The following ATP13A3 variants were observed in gnomAD, a reference collection of about 807,000 sequenced individuals.
ATP13A3 encodes the protein polyamine-transporting ATPase 13A3.
ATP13A3 carries 59 observed loss-of-function variants against 158.1 expected under a neutral mutation model. That is an observed-to-expected ratio of 0.37 (90% confidence interval 0.30 to 0.46). The LOEUF (loss-of-function observed/expected upper bound fraction) is 0.46, where lower values mean the gene tolerates loss of function less well. Among genes scored for constraint, ATP13A3 ranks in the 20% least tolerant of loss-of-function variants. The pLI is 1.00. For missense variants in ATP13A3, 1,166 were observed against 1,525.2 expected, an observed-to-expected ratio of 0.76 and a Z score of 3.92; for synonymous variants, 491 against 504.3, an observed-to-expected ratio of 0.97 and a Z score of 0.35.
intron 2 of ATP13A3, among the ~76,000 whole-genome samples, chr3:194,471,302 A>T (rs1425841793): frequency 2.0e-5 from 3 of 148,862 alleles, no homozygotes; most frequent in African/African-American, 5.0e-5. Flanking sequence ...CCTATAATAC[A>T]GCGTTAAGTA....
chr3:194,410,564 G>C (rs1327694947), intron 33 of ATP13A3, among the ~76,000 whole-genome samples: 2 of 151,788 alleles, frequency 1.3e-5, no homozygotes, highest in East Asian at 3.9e-4. Flanking sequence ...GTGAGACCCT[G>C]GTCTCACAAA....
upstream of ATP13A3, among the ~76,000 whole-genome samples, chr3:194,489,621 G>A (rs1354255177): frequency 1.3e-5 from 2 of 152,138 alleles, no homozygotes; most frequent in Admixed American, 6.5e-5. The surrounding 1 kb of genome is among the most constrained non-coding windows in gnomAD (Gnocchi z 4.1). Flanking sequence ...CTGTCAACGC[G>A]TTCGGGCTTT....
At chr3:194,460,566 TG>T (rs1719577512) in intron 4 of ATP13A3, 91 bp downstream of exon 4, 1 of 1,304,126 alleles carries the variant, frequency 7.7e-7, no homozygotes, top group Non-Finnish European at 1.1e-6. Context: ...CAGGCAGCGA[TG>T]TTCCCTTCAT....
chr3:194,458,550 A>G (rs1719412998), intron 6 of ATP13A3, among the ~76,000 whole-genome samples: 1 of 151,820 alleles, frequency 6.6e-6, no homozygotes. Flanking sequence ...TCACCAGGCT[A>G]ATTTTTTTTG....
chr3:194,446,528 CCTTA>C (rs1718421877), intron 14 of ATP13A3, among the ~76,000 whole-genome samples: 1 of 152,136 alleles, frequency 6.6e-6, no homozygotes, highest in Admixed American at 6.5e-5. Context: ...TAAATAATTA[CCTTA>C]CTTGTTTTTA....
chr3:194,431,955 G>A, intron 21 of ATP13A3, 63 bp from the exon 22 acceptor site: 1 of 1,329,830 alleles, frequency 7.5e-7, no homozygotes, highest in South Asian at 1.6e-5. Flanking sequence ...TATCAAACAT[G>A]TACTTGCTGA....
chr3:194,465,052 T>C (rs1321687891), intron 2 of ATP13A3, among the ~76,000 whole-genome samples: 3 of 152,198 alleles, frequency 2.0e-5, no homozygotes, highest in Non-Finnish European at 4.4e-5. Context: ...AAAGGGATCA[T>C]ATTTGCCCTT....
At chr3:194,449,133 A>G (rs956203800) in intron 11 of ATP13A3, among the ~76,000 whole-genome samples, 2 of 151,982 alleles carry the variant, frequency 1.3e-5, no homozygotes, top group Admixed American at 6.6e-5. Context: ...TGTGAAAATG[A>G]GTAATGTGGT....
At chr3:194,460,373 C>G (rs539495315) in intron 4 of ATP13A3, among the ~76,000 whole-genome samples, 1 of 152,182 alleles carries the variant, frequency 6.6e-6, no homozygotes, top group African/African-American at 2.4e-5. Flanking sequence ...ATCTGGACTA[C>G]AGTCCTAATG....
At chr3:194,485,519 A>G (rs1474161473) in intron 2 of ATP13A3, among the ~76,000 whole-genome samples, 1 of 152,252 alleles carries the variant, frequency 6.6e-6, no homozygotes, top group Non-Finnish European at 1.5e-5. Context: ...TTTCATTTTA[A>G]CAACGATACT....
intron 31 of ATP13A3, among the ~76,000 whole-genome samples, chr3:194,415,675 T>C (rs1480291636): frequency 7.0e-6 from 1 of 143,372 alleles, no homozygotes; most frequent in Admixed American, 6.9e-5. Flanking sequence ...TTTTTTTTTT[T>C]TTTTTTTTTT....
At chr3:194,410,970 GTA>G (rs1715381050) in intron 33 of ATP13A3, among the ~76,000 whole-genome samples, 2 of 146,000 alleles carry the variant, frequency 1.4e-5, no homozygotes, top group African/African-American at 2.6e-5. Flanking sequence ...GTGTGTGTGT[GTA>G]TACACAGATG....
chr3:194,423,361 C>T lies in ATP13A3; in HGVS notation c.3313+1981G>A, dbSNP rs1439325593. Among the ~76,000 whole-genome samples, 8 of 152,204 alleles carry T rather than the reference C, an allele frequency of 5.3e-5. No homozygotes were observed. In the East Asian group the frequency reaches 1.3e-3, roughly 26 times the overall value. On this transcript the variant is annotated intron_variant, in intron 30 of 33. Coordinates refer to ENST00000645319, the MANE Select transcript of ATP13A3 (RefSeq NM_001367549.1). ...TTCAAAATACTTTTAATATATTACACACCATTTATAGAGAGCAACAACTGG... is the reference window on the plus strand; with the variant it reads ...TTCAAAATACTTTTAATATATTACATACCATTTATAGAGAGCAACAACTGG...
intron 6 of ATP13A3, among the ~76,000 whole-genome samples, chr3:194,457,668 T>C (rs554197647): frequency 6.6e-6 from 1 of 152,230 alleles, no homozygotes; most frequent in Admixed American, 6.5e-5. Flanking sequence ...CTTCCCTAAA[T>C]GCATACCTGG....
At chr3:194,450,108 T>A (rs1384374305) in intron 11 of ATP13A3, 37 bp downstream of exon 11, 2 of 1,604,986 alleles carry the variant, frequency 1.2e-6, no homozygotes, top group Non-Finnish European at 1.7e-6. Flanking sequence ...TGATATATCA[T>A]GAACAACTCA....
intron 2 of ATP13A3, among the ~76,000 whole-genome samples, chr3:194,478,286 G>C (rs1028765510): frequency 6.6e-6 from 1 of 151,574 alleles, no homozygotes; most frequent in Non-Finnish European, 1.5e-5. Context: ...ACATCTAGTA[G>C]GCTAGACAAA....
chr3:194,433,972 T>C, intron 20 of ATP13A3, 76 bp from the exon 21 acceptor site: 2 of 1,382,480 alleles, frequency 1.4e-6, no homozygotes, highest in Non-Finnish European at 2.0e-6. Flanking sequence ...ACTTGAAATA[T>C]CTAAACAATT....
At chr3:194,435,777 T>G (rs1010203126) in intron 20 of ATP13A3, among the ~76,000 whole-genome samples, 5 of 152,140 alleles carry the variant, frequency 3.3e-5, no homozygotes, top group Non-Finnish European at 7.4e-5. Flanking sequence ...CATGGTGGTG[T>G]GCACCTGTAG....
chr3:194,403,884 T>G lies in ATP13A3; in HGVS notation c.*2035A>C. On this transcript the variant is annotated 3_prime_UTR_variant, in exon 34 of 34. Coordinates refer to ENST00000645319, the MANE Select transcript of ATP13A3 (RefSeq NM_001367549.1). ...GAAAACAATATGGACAGAAGAGATA[T>G]AAAACCCTTACTAACTCTAAATGTT... The G allele has an allele frequency of 3.4e-6, 1 of 297,180 alleles. No homozygotes were observed. The highest frequency in any genetic ancestry group is 6.4e-6 in the Non-Finnish European group (1 of 156,080). The allele number at this position is 297,180 out of a possible 1,614,324, so 18.4% of individuals were successfully genotyped here.
Sources: allele counts gnomAD v4.1 joint callset (sites outside exome capture counted in the v4.1 genomes callset), GRCh38; gene constraint gnomAD v4.1.1; non-coding constraint Gnocchi (gnomAD v3.1); transcripts MANE v1.5; gene names NCBI Gene and HGNC (gene_info 2026-07-23, HGNC 2026-07-21).